Variants in PRKN observed in about 807,000 individuals in gnomAD.
PRKN encodes the protein E3 ubiquitin-protein ligase parkin.
In PRKN, 56 loss-of-function variants were observed where a neutral mutation model predicts 59.5. That is an observed-to-expected ratio of 0.94 (90% CI 0.76 to 1.18). PRKN has a LOEUF of 1.18. PRKN is among the 50% of genes most tolerant of loss of function. The pLI, the probability that PRKN is intolerant of heterozygous loss-of-function variation, is 0.00. For synonymous variants in PRKN, 250 were observed against 222.1 expected (o/e 1.13, Z -1.12); for missense variants, 657 against 596.4 (o/e 1.10, Z -1.06).
At chr6:161,474,492 T>C (rs550302493) in intron 9 of PRKN, among the ~76,000 whole-genome samples, 2 of 152,316 alleles carry the variant, frequency 1.3e-5, no homozygotes, top group South Asian at 2.1e-4. Context: ...ATATCAGTAG[T>C]GTTAGTGGTA....
At chr6:161,788,957 A>C in intron 6 of PRKN, among the ~76,000 whole-genome samples, 1 of 152,210 alleles carries the variant, frequency 6.6e-6, no homozygotes, top group East Asian at 1.9e-4. Flanking sequence ...TACACAGATG[A>C]AGATATAGAA....
intron 7 of PRKN, among the ~76,000 whole-genome samples, chr6:161,739,554 G>A (rs557441749): frequency 9.2e-5 from 14 of 152,188 alleles, no homozygotes; most frequent in Non-Finnish European, 1.3e-4. Flanking sequence ...CGGATTAGTC[G>A]GGAAGAGTCG....
chr6:162,717,718 C>T (rs957521350), intron 1 of PRKN, among the ~76,000 whole-genome samples: 2 of 152,032 alleles, frequency 1.3e-5, no homozygotes, highest in South Asian at 2.1e-4. Context: ...GGCCATGCCC[C>T]GATAGTGTAT....
Position 162,720,442 on chromosome 6 carries a change from T to C in PRKN, c.7+7220A>G, listed in dbSNP as rs978464704. 8.8e-4 allele frequency among the ~76,000 whole-genome samples: 5 copies of C among 5,684 alleles called. No homozygotes were observed. The Admixed American group carries it at 0.013, about 15-fold the overall frequency. 3.7% of individuals were successfully genotyped at this position (5,684 alleles called of 152,430 possible). A position where few individuals can be genotyped will look rare whatever the true frequency, so the allele number is the denominator to read the frequency against. On this transcript the variant is annotated intron_variant, in intron 1 of 11. Coordinates refer to ENST00000366898, the MANE Select transcript of PRKN (RefSeq NM_004562.3). ...ACACATCTGTCCATAGATGGTCTTT[T>C]TTTTTTTTTTTTTTTTTTTGAGACG... is the stretch of plus-strand genomic sequence containing the variant.
intron 10 of PRKN, among the ~76,000 whole-genome samples, chr6:161,365,985 A>C (rs1311550722): frequency 6.6e-6 from 1 of 152,170 alleles, no homozygotes; most frequent in African/African-American, 2.4e-5. Context: ...TACCCTTATC[A>C]TTTCCTTCAC....
rs1786716725 is a variant in PRKN, at chr6:161,395,540, TG to T, written c.1084-8664del. Among the ~76,000 whole-genome samples the T allele has an allele frequency of 6.6e-6, 1 of 152,342 alleles. No individual in the cohort carries two copies. The highest frequency in any genetic ancestry group is 3.4e-3 in the Middle Eastern group (1 of 294). On this transcript the variant is annotated intron_variant, in intron 9 of 11. Coordinates refer to ENST00000366898, the MANE Select transcript of PRKN (RefSeq NM_004562.3). The surrounding 1 kb of genome is among the most constrained non-coding windows in gnomAD (Gnocchi z 5.0). ...GGGCATATGGACTTTCCATTTTGAT[TG>T]CTTTCGCGAGCCTTGTCAGTCACAG...
intron 6 of PRKN, among the ~76,000 whole-genome samples, chr6:161,947,315 G>C (rs937459856): frequency 2.0e-5 from 3 of 152,128 alleles, no homozygotes; most frequent in Non-Finnish European, 2.9e-5. Context: ...AAAAGTAGCA[G>C]AAGTTCAAAA....
chr6:161,511,038 G>T (rs1778368690), intron 9 of PRKN, among the ~76,000 whole-genome samples: 1 of 152,164 alleles, frequency 6.6e-6, no homozygotes, highest in Non-Finnish European at 1.5e-5. Context: ...AGAAAATGAA[G>T]TAATCTCTTA....
intron 1 of PRKN, among the ~76,000 whole-genome samples, chr6:162,711,638 A>T (rs761006751): frequency 3.1e-4 from 47 of 152,194 alleles, no homozygotes; most frequent in Non-Finnish European, 4.6e-4. Context: ...AGCAATCTAG[A>T]TTGCAGCAAC....
chr6:162,692,831 A>G (rs1415947546), intron 1 of PRKN, among the ~76,000 whole-genome samples: 1 of 152,134 alleles, frequency 6.6e-6, no homozygotes, highest in Admixed American at 6.5e-5. Flanking sequence ...AATAGATTTT[A>G]TGATTTCTAT....
At chr6:162,396,905 T>C (rs983636459) in intron 2 of PRKN, among the ~76,000 whole-genome samples, 1 of 152,094 alleles carries the variant, frequency 6.6e-6, no homozygotes, top group Non-Finnish European at 1.5e-5. Flanking sequence ...GGCTAACTTA[T>C]CCCCTAAACA....
At chr6:162,213,882 A>T (rs1186559385) in intron 3 of PRKN, among the ~76,000 whole-genome samples, 1 of 148,680 alleles carries the variant, frequency 6.7e-6, no homozygotes, top group Non-Finnish European at 1.5e-5. Context: ...GAAGTAATAG[A>T]GTCTTATATT....
At chr6:162,566,815 C>G (rs2803064) in intron 1 of PRKN, among the ~76,000 whole-genome samples, 142,236 of 152,192 alleles carry the variant, frequency 0.93, 66,566 homozygotes, top group Middle Eastern at 0.97. Flanking sequence ...ACCAAAACCA[C>G]AGACACATCA....
At chr6:161,717,357 C>T (rs1211728179) in intron 7 of PRKN, among the ~76,000 whole-genome samples, 1 of 152,190 alleles carries the variant, frequency 6.6e-6, no homozygotes, top group Non-Finnish European at 1.5e-5. Flanking sequence ...CATTTCCACA[C>T]TTGAACTTTG....
At chr6:161,725,928 C>T (rs1325666564) in intron 7 of PRKN, among the ~76,000 whole-genome samples, 4 of 152,182 alleles carry the variant, frequency 2.6e-5, no homozygotes, top group Admixed American at 6.5e-5. Flanking sequence ...AGGTTAACTA[C>T]AGCAGCTCTG....
rs562937170 is a variant in PRKN at position 161,385,032 on chromosome 6, C to T, written c.1167+1762G>A. On this transcript the variant is annotated intron_variant, in intron 10 of 11. Coordinates refer to ENST00000366898, the MANE Select transcript of PRKN (RefSeq NM_004562.3). This position sits in a 1 kb window ranked among gnomAD's most constrained non-coding sequence, Gnocchi z 4.9. ...GCAACCTCCACCTCCCGGGTTCAAG[C>T]GATTCTCCTGCCTCAGCCTCCTGAA... Among the ~76,000 whole-genome samples the T allele has an allele frequency of 1.3e-5, 2 of 152,226 alleles. No homozygotes were observed. Among genetic ancestry groups the T allele is most frequent in the East Asian group, 1.9e-4 (1 of 5,162 alleles).
intron 3 of PRKN, among the ~76,000 whole-genome samples, chr6:162,202,059 C>T (rs1486525108): frequency 2.0e-5 from 3 of 152,126 alleles, no homozygotes; most frequent in East Asian, 3.8e-4. Flanking sequence ...GAAATACAAC[C>T]TTCTTCCTGA....
intron 6 of PRKN, among the ~76,000 whole-genome samples, chr6:161,823,364 A>G (rs1239253802): frequency 1.3e-5 from 2 of 152,164 alleles, no homozygotes; most frequent in African/African-American, 4.8e-5. Context: ...ATAATTCATT[A>G]TCATATGCAA....
rs116225532 is a variant in PRKN, at chr6:161,385,423, A to G, written c.1167+1371T>C. On this transcript the variant is annotated intron_variant, in intron 10 of 11. Coordinates refer to ENST00000366898, the MANE Select transcript of PRKN (RefSeq NM_004562.3). This position sits in a 1 kb window ranked among gnomAD's most constrained non-coding sequence, Gnocchi z 4.9. ...TCCAATATTAAGGTTTTAACAATTTAAAAACATTTAATTTGGGCTACCTTA... is the reference window on the plus strand; with the variant it reads ...TCCAATATTAAGGTTTTAACAATTTGAAAACATTTAATTTGGGCTACCTTA... Among the ~76,000 whole-genome samples the G allele has an allele frequency of 0.011, 1,736 of 152,290 alleles. 28 individuals are homozygous for G. Among genetic ancestry groups the G allele is most frequent in the African/African-American group, 0.04 (1,669 of 41,548 alleles).
Sources: gnomAD v4.1 joint callset for allele counts (sites outside exome capture counted in the v4.1 genomes callset) on GRCh38, gnomAD v4.1.1 for gene constraint, Gnocchi (gnomAD v3.1) non-coding constraint, MANE v1.5 for transcripts, NCBI Gene and HGNC (gene_info 2026-07-23, HGNC 2026-07-21) for gene names.